USO1: variants seen among roughly 807,000 people sequenced by gnomAD.
USO1 encodes general vesicular transport factor p115.
A neutral mutation model predicts 124.5 loss-of-function variants in USO1; 57 were observed. The ratio of observed to expected loss-of-function variants is 0.46; its 90% CI spans 0.37 to 0.57. The LOEUF is 0.57. USO1 is among the 20% of genes least tolerant of loss of function. The pLI is 0.00. For missense variants in USO1, 900 were observed against 1,040.6 expected (o/e 0.86, Z 1.86); for synonymous variants, 369 against 362.8 (o/e 1.02, Z -0.19).
At chr4:75,777,260 T>C (rs1722096586) in intron 8 of USO1, among the ~76,000 whole-genome samples, 1 of 152,098 alleles carries the variant, frequency 6.6e-6, no homozygotes. Flanking sequence ...CCAGTGCAAA[T>C]AGCATGGTAG....
chr4:75,785,726 CTGTTGA>C (rs926913360), intron 9 of USO1, among the ~76,000 whole-genome samples: 2 of 152,086 alleles, frequency 1.3e-5, no homozygotes, highest in African/African-American at 4.8e-5. Flanking sequence ...TAGAAAATTA[CTGTTGA>C]TTTTGTCCAT....
At chr4:75,793,926 G>A in intron 13 of USO1, 25 bp downstream of exon 13, 2 of 1,613,060 alleles carry the variant, frequency 1.2e-6, no homozygotes, top group Non-Finnish European at 8.5e-7. Flanking sequence ...AAGGGAAAAA[G>A]TTCTATACAT....
At chr4:75,776,995 A>G (rs1395075651) in intron 8 of USO1, among the ~76,000 whole-genome samples, 1 of 152,192 alleles carries the variant, frequency 6.6e-6, no homozygotes, top group Non-Finnish European at 1.5e-5. Context: ...GTTTTTCATC[A>G]TCTTCCTTGC....
intron 8 of USO1, among the ~76,000 whole-genome samples, chr4:75,775,073 T>C (rs1298264824): frequency 6.6e-6 from 1 of 152,184 alleles, no homozygotes; most frequent in Non-Finnish European, 1.5e-5. Context: ...AAGCTATAGA[T>C]TATTATGCAT....
At chr4:75,771,964 A>G (rs1454482473) in intron 7 of USO1, among the ~76,000 whole-genome samples, 1 of 152,184 alleles carries the variant, frequency 6.6e-6, no homozygotes, top group Non-Finnish European at 1.5e-5. Context: ...ACAGAAACCA[A>G]GTAAAGTTAA....
rs750307111 is a variant in USO1, at chr4:75,755,447, C to G, written c.219-2050C>G. 1.7e-5 allele frequency: 9 copies of G among 519,782 alleles called. No homozygotes were observed. The East Asian group carries it at 4.4e-4, about 25-fold the overall frequency. 32.2% of individuals were successfully genotyped at this position (519,782 alleles called of 1,614,324 possible). A position where few individuals can be genotyped will look rare whatever the true frequency, so the allele number is the denominator to read the frequency against. Reference sequence around the variant, plus strand: ...TCTCATTTAATGCATTTCACCAGTTCAGTGAAGTGTGAAGTTCATGTTTCT... The same window carrying G: ...TCTCATTTAATGCATTTCACCAGTTGAGTGAAGTGTGAAGTTCATGTTTCT... On this transcript the variant is annotated intron_variant, in intron 3 of 23. Coordinates refer to ENST00000514213, the MANE Select transcript of USO1 (RefSeq NM_003715.4).
chr4:75,733,379 G>A (rs748460812), intron 1 of USO1, among the ~76,000 whole-genome samples: 5 of 152,206 alleles, frequency 3.3e-5, no homozygotes, highest in Non-Finnish European at 7.3e-5. Context: ...TTCTTTGAGA[G>A]ATATCCCAAC....
At chr4:75,725,029 T>A in intron 1 of USO1, 144 bp downstream of exon 1, 1 of 820,398 alleles carries the variant, frequency 1.2e-6, no homozygotes, top group Non-Finnish European at 1.9e-6. Flanking sequence ...CTCCTTCCGC[T>A]CCTGAAATCC....
chr4:75,813,748 C>A lies in USO1; in HGVS notation c.*453C>A, dbSNP rs1398894508. On this transcript the variant is annotated 3_prime_UTR_variant, in exon 24 of 24. Coordinates refer to ENST00000514213, the MANE Select transcript of USO1 (RefSeq NM_003715.4). The stretch of plus-strand genomic sequence containing the variant: ...TTAAAGAAATTAGTTTATTTAAAAG[C>A]AAGATAGCCTGGGTTGGGAGTTAGT... 6.5e-6 allele frequency: 1 copy of A among 152,888 alleles called. No homozygotes were observed. The highest frequency in any genetic ancestry group is 2.4e-5 in the African/African-American group (1 of 41,442). 9.5% of individuals were successfully genotyped at this position (152,888 alleles called of 1,614,324 possible). A position where few individuals can be genotyped will look rare whatever the true frequency, so the allele number is the denominator to read the frequency against.
rs1390614097 is a variant in USO1, at chr4:75,810,466, C to CT, written c.2511dup (p.Ile838TyrfsTer8). 1 of 1,612,810 alleles carries CT rather than the reference C, an allele frequency of 6.2e-7. No individual in the cohort carries two copies. The highest frequency in any genetic ancestry group is 8.5e-7 in the Non-Finnish European group (1 of 1,179,548). The stretch of plus-strand genomic sequence containing the variant: ...GTTGAGGTACAAGGAGAGACCGAGA[C>CT]TATAATAGCCACCAAAACTACTGAT... On this transcript the variant is annotated frameshift_variant, in exon 22 of 24. Coordinates refer to ENST00000514213, the MANE Select transcript of USO1 (RefSeq NM_003715.4). LOFTEE classifies it high-confidence loss of function.
chr4:75,724,701 G>T lies in USO1; in HGVS notation c.-119G>T, dbSNP rs776029770. On this transcript the variant is annotated 5_prime_UTR_variant, in exon 1 of 24. Transcript: ENST00000514213. ...GAGTGGCCGCCGAGTTGGAGGCGGT[G>T]GTGGCAGCAGTAGGAGTGTGTAGAG... is the stretch of plus-strand genomic sequence containing the variant. 6.4e-5 allele frequency: 64 copies of T among 994,446 alleles called. No individual in the cohort carries two copies. Among genetic ancestry groups the T allele is most frequent in the Non-Finnish European group, 9.1e-5 (62 of 679,686 alleles). The allele number at this position is 994,446 out of a possible 1,614,324, so 61.6% of individuals were successfully genotyped here. A position where few individuals can be genotyped will look rare whatever the true frequency, so the allele number is the denominator to read the frequency against.
At chr4:75,726,235 C>G (rs1438292208) in intron 1 of USO1, among the ~76,000 whole-genome samples, 2 of 141,098 alleles carry the variant, frequency 1.4e-5, no homozygotes, top group African/African-American at 5.5e-5. Flanking sequence ...GAGCAGAGAT[C>G]GTGCCATTGC....
intron 3 of USO1, among the ~76,000 whole-genome samples, chr4:75,755,670 G>C (rs536363478): frequency 1.3e-5 from 2 of 152,102 alleles, no homozygotes; most frequent in African/African-American, 4.8e-5. Flanking sequence ...TTGAATAAGC[G>C]AATTGGATGC....
chr4:75,803,087 CA>C (rs34627696), intron 17 of USO1, among the ~76,000 whole-genome samples: 10 of 111,536 alleles, frequency 9.0e-5, no homozygotes, highest in Non-Finnish European at 1.6e-4. Flanking sequence ...AACTCTGTCT[CA>C]AAAAAAAAAA....
Position 75,800,466 on chromosome 4 carries a change from T to C in USO1, c.1679T>C (p.Met560Thr), listed in dbSNP as rs1215660579. 2 of 1,588,290 alleles carry C rather than the reference T, an allele frequency of 1.3e-6. No individual in the cohort carries two copies. Among genetic ancestry groups the C allele is most frequent in the Non-Finnish European group, 1.7e-6 (2 of 1,167,042 alleles). The change falls in exon 15 of 24, where the codon ATG becomes ACG. Residue 560 changes from methionine to threonine, a missense_variant. Met to Thr is a moderately conservative substitution (Grantham distance 81). Coordinates refer to ENST00000514213, the MANE Select transcript of USO1 (RefSeq NM_003715.4). ...AATGATAACTCACTTGAGAGCTACATGAAGTAAGTAAGGGGAAGATGGTTT... is the reference window on the plus strand; with the variant it reads ...AATGATAACTCACTTGAGAGCTACACGAAGTAAGTAAGGGGAAGATGGTTT... ...YFNDNSLESY[M>T]KEKLKQLIEK...
chr4:75,797,149 A>G (rs559395724), intron 13 of USO1, among the ~76,000 whole-genome samples: 1 of 152,188 alleles, frequency 6.6e-6, no homozygotes, highest in African/African-American at 2.4e-5. Context: ...AGCCTGATAG[A>G]CAGAGCGAGA....
At chr4:75,731,466 G>A (rs556814733) in intron 1 of USO1, among the ~76,000 whole-genome samples, 15 of 151,980 alleles carry the variant, frequency 9.9e-5, no homozygotes, top group South Asian at 2.1e-4. Flanking sequence ...GGAGGCTGAG[G>A]CAGGAGAATC....
chr4:75,779,932 T>A (rs770103297), intron 8 of USO1, among the ~76,000 whole-genome samples: 27 of 152,214 alleles, frequency 1.8e-4, no homozygotes, highest in Non-Finnish European at 2.8e-4. Flanking sequence ...AAGGACAAGC[T>A]GACTCTCTTG....
intron 4 of USO1, among the ~76,000 whole-genome samples, chr4:75,764,494 C>A (rs1340415701): frequency 6.6e-6 from 1 of 152,158 alleles, no homozygotes; most frequent in Non-Finnish European, 1.5e-5. Context: ...TAACATGCCA[C>A]ACTATCCTTT....
Sources: allele counts gnomAD v4.1 joint callset (sites outside exome capture counted in the v4.1 genomes callset), GRCh38; gene constraint gnomAD v4.1.1; transcripts MANE v1.5; gene names NCBI Gene and HGNC (gene_info 2026-07-23, HGNC 2026-07-21).